The following MYO1D variants were observed in gnomAD, a reference collection of about 807,000 sequenced individuals.
MYO1D encodes the protein unconventional myosin-Id.
MYO1D carries 83 observed loss-of-function variants against 122.0 expected under a neutral mutation model. That is an observed-to-expected ratio of 0.68 (90% confidence interval 0.57 to 0.82). The LOEUF (loss-of-function observed/expected upper bound fraction) is 0.82, where lower values mean the gene tolerates loss of function less well. Ranked by LOEUF, MYO1D falls within the 40% of genes least tolerant of loss-of-function variation. The pLI, the probability that MYO1D is intolerant of heterozygous loss-of-function variation, is 0.00. For synonymous variants in MYO1D, 464 were observed against 446.9 expected (o/e 1.04, Z -0.48); for missense variants, 1,157 against 1,269.5 (o/e 0.91, Z 1.35).
chr17:32,568,601 C>T (rs1301491035), intron 21 of MYO1D, among the ~76,000 whole-genome samples: 1 of 152,184 alleles, frequency 6.6e-6, no homozygotes, highest in Non-Finnish European at 1.5e-5. Flanking sequence ...AAGGACGCAG[C>T]TCTATTGATG....
chr17:32,806,775 T>C (rs1303700042), intron 1 of MYO1D, among the ~76,000 whole-genome samples: 1 of 152,236 alleles, frequency 6.6e-6, no homozygotes, highest in Non-Finnish European at 1.5e-5. Flanking sequence ...CAAGGGTGTT[T>C]GGCTTTCCAA....
chr17:32,496,078 C>A (rs939403389), intron 21 of MYO1D: 22 of 152,446 alleles, frequency 1.4e-4, no homozygotes, highest in African/African-American at 5.3e-4. Context: ...TCGCCTTCAC[C>A]AGGCCATGAG....
intron 21 of MYO1D, among the ~76,000 whole-genome samples, chr17:32,544,437 T>A (rs924421543): frequency 1.3e-5 from 2 of 152,188 alleles, no homozygotes; most frequent in African/African-American, 2.4e-5. Context: ...CTAGCTTTTC[T>A]TTTAAAAATT....
chr17:32,509,571 C>G (rs1255392921), intron 21 of MYO1D, among the ~76,000 whole-genome samples: 1 of 152,008 alleles, frequency 6.6e-6, no homozygotes, highest in Non-Finnish European at 1.5e-5. Flanking sequence ...GAAATGTGGG[C>G]AGATATTTCT....
intron 13 of MYO1D, among the ~76,000 whole-genome samples, chr17:32,742,507 G>A (rs971247757): frequency 6.6e-6 from 1 of 152,156 alleles, no homozygotes; most frequent in African/African-American, 2.4e-5. Context: ...ACATCACCTC[G>A]TGCAGCCTCT....
At chr17:32,615,497 G>A (rs1201456382) in intron 20 of MYO1D, among the ~76,000 whole-genome samples, 1 of 152,066 alleles carries the variant, frequency 6.6e-6, no homozygotes, top group African/African-American at 2.4e-5. Context: ...AGGAGAGAGA[G>A]GACCTTAATA....
chr17:32,670,379 C>T (rs957053734), intron 16 of MYO1D, among the ~76,000 whole-genome samples: 8 of 151,892 alleles, frequency 5.3e-5, no homozygotes, highest in African/African-American at 1.7e-4. Flanking sequence ...AGTTCCAAAA[C>T]CAATTGTATA....
At position 32,679,664 on chromosome 17, in the gene MYO1D, C is replaced by T. The variant is rs1434314232; in HGVS notation, c.2122-20326G>A. ...ACCATGCTGTTTTGGTTACTGTAGC[C>T]TTGTAGTAGAGTTTGAAGTCAGGTA... On this transcript the variant is annotated intron_variant, in intron 16 of 21. Coordinates refer to ENST00000318217, the MANE Select transcript of MYO1D (RefSeq NM_015194.3). Among the ~76,000 whole-genome samples the T allele has an allele frequency of 2.0e-5, 3 of 152,226 alleles. No individual in the cohort carries two copies. In the East Asian group the frequency reaches 5.8e-4, roughly 29 times the overall value.
At chr17:32,800,242 A>G (rs981084182) in intron 1 of MYO1D, among the ~76,000 whole-genome samples, 1 of 152,180 alleles carries the variant, frequency 6.6e-6, no homozygotes, top group African/African-American at 2.4e-5. Flanking sequence ...TGCACTCTCA[A>G]TCACTGCACC....
At chr17:32,605,646 C>CA (rs1379005779) in intron 20 of MYO1D, among the ~76,000 whole-genome samples, 1 of 151,466 alleles carries the variant, frequency 6.6e-6, no homozygotes, top group Non-Finnish European at 1.5e-5. Flanking sequence ...TAGCCCAAAA[C>CA]AAAAAAAGAA....
chr17:32,644,249 A>G (rs1219115733), intron 19 of MYO1D, among the ~76,000 whole-genome samples: 3 of 152,258 alleles, frequency 2.0e-5, no homozygotes, highest in East Asian at 3.9e-4. Flanking sequence ...TTAATCCTGC[A>G]TTCTAGTTTG....
chr17:32,624,603 A>AT, intron 20 of MYO1D, among the ~76,000 whole-genome samples: 1 of 152,096 alleles, frequency 6.6e-6, no homozygotes, highest in East Asian at 1.9e-4. Flanking sequence ...AAACCACTAT[A>AT]TTTTTTCTGG....
intron 16 of MYO1D, among the ~76,000 whole-genome samples, chr17:32,701,613 A>T (rs1463727742): frequency 6.6e-6 from 1 of 152,146 alleles, no homozygotes; most frequent in Non-Finnish European, 1.5e-5. Context: ...CTTAAGCTGA[A>T]GTTCGGTGGC....
intron 20 of MYO1D, among the ~76,000 whole-genome samples, chr17:32,635,699 C>CG (rs541616860): frequency 1.2e-3 from 184 of 151,636 alleles, no homozygotes; most frequent in African/African-American, 3.0e-3. Context: ...TCTCGGGTGG[C>CG]GGGGGGGTGG....
intron 15 of MYO1D, among the ~76,000 whole-genome samples, chr17:32,720,257 TCAA>T (rs2089495092): frequency 1.3e-5 from 2 of 152,258 alleles, no homozygotes; most frequent in Non-Finnish European, 2.9e-5. Context: ...AGCAACATTA[TCAA>T]CAATAAATTA....
intron 21 of MYO1D, among the ~76,000 whole-genome samples, chr17:32,552,171 A>T (rs2087021762): frequency 6.6e-6 from 1 of 152,078 alleles, no homozygotes; most frequent in African/African-American, 2.4e-5. Flanking sequence ...AGCCTCCTGG[A>T]CTCAAGCAAT....
chr17:32,495,389 GT>G (rs1909055679), intron 21 of MYO1D: 1 of 153,582 alleles, frequency 6.5e-6, no homozygotes, highest in South Asian at 2.0e-4. Context: ...CCTGACTTGG[GT>G]TTCCCCAAGC....
rs117549684 is a variant in MYO1D at position 32,734,147 on chromosome 17, C to T, written c.1746+4106G>A. On this transcript the variant is annotated intron_variant, in intron 14 of 21. Coordinates refer to ENST00000318217, the MANE Select transcript of MYO1D (RefSeq NM_015194.3). Reference sequence around the variant, plus strand: ...CATCTAGATCTGATGTCCTTGGCAACGTTGGGAAAAGGTGGATTTATCATC... The same window carrying T: ...CATCTAGATCTGATGTCCTTGGCAATGTTGGGAAAAGGTGGATTTATCATC... Among the ~76,000 whole-genome samples the T allele has an allele frequency of 8.5e-5, 13 of 152,204 alleles. No homozygotes were observed. In the East Asian group the frequency reaches 2.1e-3, roughly 25 times the overall value.
chr17:32,573,730 C>T (rs1020480105), intron 21 of MYO1D, among the ~76,000 whole-genome samples: 7 of 152,086 alleles, frequency 4.6e-5, no homozygotes, highest in Non-Finnish European at 1.0e-4. Flanking sequence ...TTCTTATATT[C>T]CCCAGGCTGG....
Sources: gnomAD v4.1 joint callset for allele counts (sites outside exome capture counted in the v4.1 genomes callset) on GRCh38, gnomAD v4.1.1 for gene constraint, MANE v1.5 for transcripts, NCBI Gene and HGNC (gene_info 2026-07-23, HGNC 2026-07-21) for gene names.